Variants in MYO3B observed in about 807,000 individuals in gnomAD.
MYO3B encodes myosin-IIIb.
A neutral mutation model predicts 174.6 loss-of-function variants in MYO3B; 156 were observed. That is an observed-to-expected ratio of 0.89 (90% CI 0.78 to 1.02). The LOEUF is 1.02. Among genes scored for constraint, MYO3B ranks in the 50% least tolerant of loss-of-function variants. The pLI is 0.00. For synonymous variants in MYO3B, 563 were observed against 569.1 expected, an observed-to-expected ratio of 0.99 and a Z score of 0.15; for missense variants, 1,632 against 1,639.4, an observed-to-expected ratio of 1.00 and a Z score of 0.08.
chr2:170,323,096 A>G (rs529745520), intron 7 of MYO3B, among the ~76,000 whole-genome samples: 1 of 152,316 alleles, frequency 6.6e-6, no homozygotes, highest in East Asian at 1.9e-4. Flanking sequence ...GTCTATTACA[A>G]ATTTATTAAC....
At chr2:170,200,082 G>A in intron 2 of MYO3B, 68 bp from the exon 3 acceptor site, 1 of 1,466,106 alleles carries the variant, frequency 6.8e-7, no homozygotes, top group Non-Finnish European at 9.3e-7. Context: ...ACTTGAGCAT[G>A]ATGTCATATC....
chr2:170,455,984 C>T (rs1683885062), intron 23 of MYO3B, among the ~76,000 whole-genome samples: 1 of 152,116 alleles, frequency 6.6e-6, no homozygotes, highest in African/African-American at 2.4e-5. Flanking sequence ...CTTCCTCACT[C>T]TCTGAAAGTT....
chr2:170,299,121 A>G (rs6706938), intron 7 of MYO3B, among the ~76,000 whole-genome samples: 4,967 of 152,214 alleles, frequency 0.033, 109 homozygotes, highest in Non-Finnish European at 0.047. Flanking sequence ...CTGTATTATG[A>G]TATTTCTTAT....
chr2:170,226,683 A>G (rs2092955825), intron 6 of MYO3B, among the ~76,000 whole-genome samples: 1 of 152,116 alleles, frequency 6.6e-6, no homozygotes, highest in Admixed American at 6.5e-5. Flanking sequence ...GGGTCTAAAT[A>G]TAAGACCCTA....
At chr2:170,248,017 GT>G (rs1484633528) in intron 7 of MYO3B, among the ~76,000 whole-genome samples, 1 of 151,946 alleles carries the variant, frequency 6.6e-6, no homozygotes, top group African/African-American at 2.4e-5. Context: ...CACATTCTTG[GT>G]GGCAAATTTG....
chr2:170,329,827 G>GAGACAC (rs1199885673), intron 7 of MYO3B, among the ~76,000 whole-genome samples: 1 of 152,162 alleles, frequency 6.6e-6, no homozygotes, highest in Admixed American at 6.5e-5. Context: ...GCAAGACAGA[G>GAGACAC]AGACACAGAC....
rs565110911 is a variant in MYO3B at position 170,532,629 on chromosome 2, A to T, written c.3576-10277A>T. Reference sequence around the variant, plus strand: ...GGAGTTCGAGACCAGCCTGACCAACATCGTGAAACCCCATCTCTACTAAAA... The same window carrying T: ...GGAGTTCGAGACCAGCCTGACCAACTTCGTGAAACCCCATCTCTACTAAAA... On this transcript the variant is annotated intron_variant, in intron 30 of 34. Transcript: ENST00000408978. Among the ~76,000 whole-genome samples the T allele has an allele frequency of 2.0e-4, 31 of 152,166 alleles. No individual in the cohort carries two copies. The South Asian group carries it at 6.5e-3, about 32-fold the overall frequency.
intron 7 of MYO3B, among the ~76,000 whole-genome samples, chr2:170,276,956 C>A (rs1392430669): frequency 1.3e-5 from 2 of 152,148 alleles, no homozygotes; most frequent in Non-Finnish European, 2.9e-5. Context: ...AATAAATGGG[C>A]TCTAAAGGTA....
chr2:170,409,355 C>T (rs2094531360), intron 22 of MYO3B, among the ~76,000 whole-genome samples: 1 of 152,190 alleles, frequency 6.6e-6, no homozygotes, highest in African/African-American at 2.4e-5. Context: ...TTACCCCTCC[C>T]AAAGAGCTTT....
intron 32 of MYO3B, among the ~76,000 whole-genome samples, chr2:170,634,701 A>G (rs1005236693): frequency 1.9e-4 from 29 of 152,372 alleles, no homozygotes; most frequent in Admixed American, 1.2e-3. Flanking sequence ...AATGGGAGGA[A>G]ATTTTTGCAA....
intron 8 of MYO3B, among the ~76,000 whole-genome samples, chr2:170,364,651 G>A (rs986615051): frequency 6.6e-6 from 1 of 152,244 alleles, no homozygotes; most frequent in Admixed American, 6.5e-5. Context: ...CTCCAAATCA[G>A]GTTAAAGGAT....
rs1349054192 is a variant in MYO3B, at chr2:170,576,962, G to A, written c.3733+32974G>A. 2.6e-5 allele frequency among the ~76,000 whole-genome samples: 4 copies of A among 152,268 alleles called. No individual in the cohort carries two copies. The East Asian group carries it at 7.7e-4, about 29-fold the overall frequency. On this transcript the variant is annotated intron_variant, in intron 32 of 34. Coordinates refer to ENST00000408978, the MANE Select transcript of MYO3B (RefSeq NM_138995.5). ...GAGAATATCCTGGGCTCCAGACATA[G>A]TCCTCTTTGCCCCCATTGTATAGCC...
chr2:170,432,125 ATTATT>A (rs1250600448), intron 22 of MYO3B, among the ~76,000 whole-genome samples: 1 of 152,204 alleles, frequency 6.6e-6, no homozygotes, highest in Non-Finnish European at 1.5e-5. Flanking sequence ...CTTTTAAGTT[ATTATT>A]TTAGCATGTA....
chr2:170,338,858 C>A (rs2093961261), intron 8 of MYO3B, among the ~76,000 whole-genome samples: 1 of 152,184 alleles, frequency 6.6e-6, no homozygotes, highest in Non-Finnish European at 1.5e-5. Flanking sequence ...CCACCTCAGC[C>A]TCCCAAAGTG....
At chr2:170,404,811 C>A (rs941499266) in intron 20 of MYO3B, among the ~76,000 whole-genome samples, 12 of 152,180 alleles carry the variant, frequency 7.9e-5, no homozygotes, top group African/African-American at 2.7e-4. Flanking sequence ...AGGCTCCTAC[C>A]TGCCCCATCT....
chr2:170,586,544 T>C (rs1693510297), intron 32 of MYO3B, among the ~76,000 whole-genome samples: 1 of 152,250 alleles, frequency 6.6e-6, no homozygotes, highest in African/African-American at 2.4e-5. Context: ...AAATGGTGCC[T>C]GTTATGTATG....
At chr2:170,213,111 A>G (rs891406363) in intron 3 of MYO3B, among the ~76,000 whole-genome samples, 19 of 152,198 alleles carry the variant, frequency 1.2e-4, no homozygotes, top group Admixed American at 2.6e-4. Flanking sequence ...CCAAACCTGC[A>G]CGTTGACTTC....
intron 7 of MYO3B, among the ~76,000 whole-genome samples, chr2:170,246,900 G>A (rs1421733014): frequency 6.6e-6 from 1 of 152,104 alleles, no homozygotes; most frequent in East Asian, 1.9e-4. Flanking sequence ...AGTCCTAGGG[G>A]TGGGTATAGG....
intron 1 of MYO3B, among the ~76,000 whole-genome samples, chr2:170,189,698 T>C (rs1452229738): frequency 6.6e-6 from 1 of 152,132 alleles, no homozygotes; most frequent in East Asian, 1.9e-4. Flanking sequence ...TTTCAATCTC[T>C]ATTAAATTTA....
Sources: gnomAD v4.1 joint callset for allele counts (sites outside exome capture counted in the v4.1 genomes callset) on GRCh38, gnomAD v4.1.1 for gene constraint, MANE v1.5 for transcripts, NCBI Gene and HGNC (gene_info 2026-07-23, HGNC 2026-07-21) for gene names.